Variants in TAF15 observed in about 807,000 individuals in gnomAD.
The protein encoded by TAF15 is TATA-binding protein-associated factor 2N.
TAF15 carries 37 observed loss-of-function variants against 102.5 expected under a neutral mutation model. That is an observed-to-expected ratio of 0.36 (90% confidence interval 0.28 to 0.47). TAF15 has a LOEUF of 0.47. Ranked by LOEUF, TAF15 falls within the 20% of genes least tolerant of loss-of-function variation. TAF15 has a pLI of 0.99. For missense variants in TAF15, 652 were observed against 760.7 expected, an observed-to-expected ratio of 0.86 and a Z score of 1.68; for synonymous variants, 273 against 259.2, an observed-to-expected ratio of 1.05 and a Z score of -0.51.
At chr17:35,817,896 G>T (rs1314368749) in intron 2 of TAF15, 141 bp downstream of exon 2, 1 of 739,844 alleles carries the variant, frequency 1.4e-6, no homozygotes, top group Non-Finnish European at 2.4e-6. Flanking sequence ...AGTGTAAATA[G>T]GTGCTGTAAG....
chr17:35,827,926 CAAAA>C lies in TAF15; in HGVS notation c.605+3734_605+3737del, dbSNP rs879529045. ...TTTTTCTTTGAAAAAGCAATTGTAG[CAAAA>C]AAAAAGAAAATTTCTTACTGTCATC... On this transcript the variant is annotated intron_variant, in intron 7 of 15. Transcript: ENST00000605844. Among the ~76,000 whole-genome samples, 19 of 149,646 alleles carry C rather than the reference CAAAA, an allele frequency of 1.3e-4. 1 individual carries two copies. The South Asian group carries it at 3.2e-3, about 25-fold the overall frequency.
intron 2 of TAF15, among the ~76,000 whole-genome samples, chr17:35,819,043 T>G (rs145647125): frequency 3.2e-3 from 494 of 152,276 alleles, no homozygotes; most frequent in African/African-American, 0.011. Flanking sequence ...AATACAGCCT[T>G]CAACTTATAG....
intron 9 of TAF15, among the ~76,000 whole-genome samples, chr17:35,834,889 G>T (rs2087455861): frequency 1.3e-5 from 2 of 151,920 alleles, no homozygotes; most frequent in Admixed American, 1.3e-4. Context: ...GGGACTACAG[G>T]TGCGCGCCAC....
intron 1 of TAF15, 101 bp from the exon 2 acceptor site, chr17:35,817,615 C>G: frequency 9.8e-7 from 1 of 1,017,270 alleles, no homozygotes; most frequent in Non-Finnish European, 1.5e-6. Context: ...TTCTGCAGTT[C>G]TTTACATTTT....
In TAF15 at chr17:35,844,840, G is replaced by A. The variant is rs755754266; in HGVS notation, c.1541G>A (p.Gly514Asp). 3 of 1,602,284 alleles carry A rather than the reference G, an allele frequency of 1.9e-6. No homozygotes were observed. Among genetic ancestry groups the A allele is most frequent in the East Asian group, 2.2e-5 (1 of 44,770 alleles). Residue 514 changes from glycine to aspartate, a missense_variant, in exon 15 of 16, where the codon GGT becomes GAT. Coordinates refer to ENST00000605844, the MANE Select transcript of TAF15 (RefSeq NM_139215.3). ...DRGGYGGDRG[G>D]YGGDRGGYGG... ...GGAGGTTACGGAGGAGATCGAGGAG[G>A]TTATGGAGGAGATCGAGGAGGCTAT...
In TAF15 at chr17:35,844,758, G is replaced by C; in HGVS notation, c.1459G>C (p.Gly487Arg). 6.2e-7 allele frequency: 1 copy of C among 1,612,420 alleles called. No homozygotes were observed. Among genetic ancestry groups the C allele is most frequent in the Non-Finnish European group, 8.5e-7 (1 of 1,179,218 alleles). The change falls in exon 15 of 16, where the codon GGA becomes CGA. Residue 487 changes from glycine (G) to arginine (R), a missense_variant. Around this residue, in one of 3 missense-constraint regions of TAF15, gnomAD observed 368 missense variants for 367.5 expected, o/e 1.00. Transcript: ENST00000605844. ...GGYGGDRGGY[G>R]GDRGGGYGGD... ...CTATGGAGGAGATCGAGGTGGCTATGGAGGAGACCGAGGTGGAGGCTATGG... is the reference window on the plus strand; with the variant it reads ...CTATGGAGGAGATCGAGGTGGCTATCGAGGAGACCGAGGTGGAGGCTATGG...
intron 11 of TAF15, 81 bp from the exon 12 acceptor site, chr17:35,842,286 G>T (rs1164975838): frequency 3.7e-6 from 4 of 1,082,508 alleles, no homozygotes; most frequent in Non-Finnish European, 5.6e-6. Flanking sequence ...TGAAACTAAA[G>T]ATTTCCAAGA....
At chr17:35,824,733 T>C (rs1460606084) in intron 7 of TAF15, among the ~76,000 whole-genome samples, 1 of 152,228 alleles carries the variant, frequency 6.6e-6, no homozygotes, top group Non-Finnish European at 1.5e-5. Flanking sequence ...GAATAATTAG[T>C]GTAACATCAC....
In TAF15 at chr17:35,847,008, C is replaced by G. The variant is rs1410387697; in HGVS notation, c.*63C>G. ...CATAGTGAAATTGCCAGAGTTTTGC[C>G]TGCTGCTTTCCTCGTGGCCTCTTCT... is the stretch of plus-strand genomic sequence containing the variant. On this transcript the variant is annotated 3_prime_UTR_variant, in exon 16 of 16. Coordinates refer to ENST00000605844, the MANE Select transcript of TAF15 (RefSeq NM_139215.3). 6.5e-7 allele frequency: 1 copy of G among 1,536,910 alleles called. No homozygotes were observed. Among genetic ancestry groups the G allele is most frequent in the Non-Finnish European group, 8.9e-7 (1 of 1,125,394 alleles).
chr17:35,836,358 C>A, intron 10 of TAF15, 117 bp downstream of exon 10: 1 of 724,070 alleles, frequency 1.4e-6, no homozygotes, highest in Non-Finnish European at 2.4e-6. Flanking sequence ...TTTTGTGATG[C>A]ACATGCTCGT....
intron 12 of TAF15, among the ~76,000 whole-genome samples, chr17:35,842,826 G>A (rs1386151349): frequency 1.3e-5 from 2 of 151,968 alleles, no homozygotes; most frequent in South Asian, 2.1e-4. Context: ...TCCGCCTCCC[G>A]GGTTCAAGTG....
At chr17:35,844,051 T>G (rs563073113) in intron 12 of TAF15, 26 bp from the exon 13 acceptor site, 3 of 1,606,784 alleles carry the variant, frequency 1.9e-6, no homozygotes, top group African/African-American at 2.7e-5. Context: ...GCTGCTGATT[T>G]TTCTCCCCTG....
chr17:35,824,098 A>C lies in TAF15; in HGVS notation c.505A>C (p.Arg169=), dbSNP rs1259964810. Residue 169 remains arginine (R), a synonymous_variant, in exon 7 of 16, where the codon AGG becomes CGG. Transcript: ENST00000605844. The stretch of plus-strand genomic sequence containing the variant: ...TGTAGATGACCGTCGTGATGTGAGT[A>C]GGTATGGAGAAGATAATAGAGGATA... ...HTQDDRRDVS[R]YGEDNRGYGG... The C allele has an allele frequency of 6.2e-7, 1 of 1,614,164 alleles. No homozygotes were observed. The highest frequency in any genetic ancestry group is 2.2e-5 in the East Asian group (1 of 44,884).
intron 11 of TAF15, among the ~76,000 whole-genome samples, chr17:35,841,078 G>A (rs1468736645): frequency 6.6e-6 from 1 of 152,148 alleles, no homozygotes; most frequent in African/African-American, 2.4e-5. Context: ...TGCCCATAGG[G>A]CATATGAGCC....
chr17:35,842,297 CTT>C, intron 11 of TAF15, 68 bp from the exon 12 acceptor site: 1 of 1,213,058 alleles, frequency 8.2e-7, no homozygotes, highest in Non-Finnish European at 1.2e-6. Context: ...ATTTCCAAGA[CTT>C]TTTCATTTTT....
chr17:35,834,035 T>C, intron 8 of TAF15, 94 bp downstream of exon 8: 1 of 1,344,476 alleles, frequency 7.4e-7, no homozygotes, highest in South Asian at 1.2e-5. Flanking sequence ...AGTCCTTTCT[T>C]ACTCTGTTGA....
Position 35,822,626 on chromosome 17 carries a change from C to T in TAF15, c.291-14C>T, listed in dbSNP as rs767812637. 2.5e-6 allele frequency: 4 copies of T among 1,611,280 alleles called. No homozygotes were observed. The highest frequency in any genetic ancestry group is 3.4e-6 in the Non-Finnish European group (4 of 1,178,336). Reference sequence around the variant, plus strand: ...CTTCCTATGAAGTCTCTTAAGTTCTCCATTTCTATTTAGCCAAGGTGGAAG... The same window carrying T: ...CTTCCTATGAAGTCTCTTAAGTTCTTCATTTCTATTTAGCCAAGGTGGAAG... On this transcript the variant is annotated splice_polypyrimidine_tract_variant and intron_variant, in intron 5 of 15. Coordinates refer to ENST00000605844, the MANE Select transcript of TAF15 (RefSeq NM_139215.3).
At chr17:35,828,760 A>C (rs1357851047) in intron 7 of TAF15, among the ~76,000 whole-genome samples, 1 of 149,160 alleles carries the variant, frequency 6.7e-6, no homozygotes, top group Non-Finnish European at 1.5e-5. Flanking sequence ...CCTCCGCCCC[A>C]TACCTCTTCA....
At chr17:35,819,567 A>G (rs1427819189) in intron 2 of TAF15, among the ~76,000 whole-genome samples, 1 of 152,180 alleles carries the variant, frequency 6.6e-6, no homozygotes, top group Non-Finnish European at 1.5e-5. Flanking sequence ...TCTTTTAGGA[A>G]GTTAAAGCCA....
Sources: allele counts gnomAD v4.1 joint callset (sites outside exome capture counted in the v4.1 genomes callset), GRCh38; gene constraint gnomAD v4.1.1; regional missense constraint gnomAD v4.1.1; transcripts MANE v1.5; gene names NCBI Gene and HGNC (gene_info 2026-07-23, HGNC 2026-07-21).